AQP7: variants seen among roughly 807,000 people sequenced by gnomAD.
The protein encoded by AQP7 is aquaporin 7.
AQP7 carries 22 observed loss-of-function variants against 26.1 expected under a neutral mutation model. That is an observed-to-expected ratio of 0.84 (90% CI 0.60 to 1.20). The LOEUF is 1.20. AQP7 is among the 50% of genes most tolerant of loss of function. The pLI is 0.00. For synonymous variants in AQP7, 167 were observed against 181.7 expected (o/e 0.92, Z 0.65); for missense variants, 412 against 457.5 (o/e 0.90, Z 0.91).
intron 2 of AQP7, among the ~76,000 whole-genome samples, chr9:33,399,014 A>G (rs1200333702): frequency 5.0e-5 from 7 of 139,416 alleles, no homozygotes; most frequent in Non-Finnish European, 9.2e-5. Flanking sequence ...TCTGTCGCCC[A>G]GGCTGAAGTG....
intron 1 of AQP7, chr9:33,401,900 A>T (rs929289397): frequency 6.6e-6 from 1 of 152,396 alleles, no homozygotes. Flanking sequence ...ACAGACTCTT[A>T]TCTCCAGCCC....
intron 3 of AQP7, among the ~76,000 whole-genome samples, chr9:33,389,187 C>A (rs535537852): frequency 2.0e-5 from 3 of 152,096 alleles, no homozygotes; most frequent in African/African-American, 7.2e-5. Context: ...GCCACCATGC[C>A]CAACTATTTT....
At chr9:33,386,008 G>A in intron 6 of AQP7, 69 bp downstream of exon 6, 1 of 1,599,756 alleles carries the variant, frequency 6.3e-7, no homozygotes, top group Non-Finnish European at 8.5e-7. Flanking sequence ...CTATCCGGAG[G>A]GACTCCCTGC....
At chr9:33,393,436 C>T (rs2380997) in intron 3 of AQP7, among the ~76,000 whole-genome samples, 1 of 152,208 alleles carries the variant, frequency 6.6e-6, no homozygotes, top group Non-Finnish European at 1.5e-5. Flanking sequence ...CTAAGAACCC[C>T]GGTGTTCCGA....
At chr9:33,394,302 T>C (rs1825662814) in intron 3 of AQP7, 1 of 152,364 alleles carries the variant, frequency 6.6e-6, no homozygotes. Context: ...AAACAGCCTC[T>C]TAACTGGTTC....
rs115575789 is a variant in AQP7 at position 33,385,714 on chromosome 9, G to A, written c.678C>T (p.Asn226=). The change falls in exon 7 of 8, where the codon AAC becomes AAT. Residue 226 remains asparagine, a synonymous_variant. Transcript: ENST00000297988. ...SLGMNTGYAI[N]PSRDLPPRIF... is the part of the protein sequence containing the mutation. Reference sequence around the variant, plus strand: ...TGCGGGGGGGCAGGTCCCGGGACGGGTTGATGGCATATCCTGTGTTCATGC... The same window carrying A: ...TGCGGGGGGGCAGGTCCCGGGACGGATTGATGGCATATCCTGTGTTCATGC... The A allele has an allele frequency of 6.2e-7, 1 of 1,613,978 alleles. No homozygotes were observed. Among genetic ancestry groups the A allele is most frequent in the African/African-American group, 1.3e-5 (1 of 75,042 alleles).
chr9:33,400,993 C>T (rs1246286745), intron 2 of AQP7: 12 of 560,198 alleles, frequency 2.1e-5, no homozygotes, highest in Admixed American at 9.1e-5. Flanking sequence ...TTGAAGGCCA[C>T]CTGCATGCCT....
At chr9:33,386,027 T>A in intron 6 of AQP7, 50 bp downstream of exon 6, 1 of 1,609,608 alleles carries the variant, frequency 6.2e-7, no homozygotes, top group East Asian at 2.2e-5. Context: ...GCTGGCTCCG[T>A]CCTGAGGGGT....
chr9:33,393,476 C>T (rs1360078762), intron 3 of AQP7, among the ~76,000 whole-genome samples: 1 of 152,186 alleles, frequency 6.6e-6, no homozygotes, highest in Non-Finnish European at 1.5e-5. Flanking sequence ...TCCATGGGCC[C>T]CACCACACAC....
At position 33,386,177 on chromosome 9, in the gene AQP7, G is replaced by A. The variant is rs752508547; in HGVS notation, c.425C>T (p.Ser142Leu). The A allele has an allele frequency of 6.2e-6, 10 of 1,613,892 alleles. No individual in the cohort carries two copies. Among genetic ancestry groups the A allele is most frequent in the Admixed American group, 5.0e-5 (3 of 59,998 alleles). ...ACCGGTCACCATCAGCTGTCCACCCGAAAAGTGGAGAATGGCCGCTGCGGA... is the reference window on the plus strand; with the variant it reads ...ACCGGTCACCATCAGCTGTCCACCCAAAAAGTGGAGAATGGCCGCTGCGGA... ...SLFYTAILHFSGGQLMVTGPV... is the reference protein window; with the variant it reads ...SLFYTAILHFLGGQLMVTGPV... Residue 142 changes from serine to leucine, a missense_variant, in exon 6 of 8, where the codon TCG becomes TTG. Transcript: ENST00000297988.
intron 3 of AQP7, among the ~76,000 whole-genome samples, chr9:33,388,244 C>A (rs1045369071): frequency 4.6e-5 from 7 of 152,194 alleles, no homozygotes; most frequent in South Asian, 2.1e-4. Flanking sequence ...TCACAGCACA[C>A]CTGCTCCTCA....
rs761869327 is a variant in AQP7 at position 33,386,997 on chromosome 9, C to T, written c.240G>A (p.Met80Ile). 2 of 1,612,036 alleles carry T rather than the reference C, an allele frequency of 1.2e-6. No individual in the cohort carries two copies. The highest frequency in any genetic ancestry group is 1.7e-6 in the Non-Finnish European group (2 of 1,179,848). Reference sequence around the variant, plus strand: ...AGATGCGGCCTGCCACGTGCACTCCCATGGTGACTCCGAAGCCAAAACCCA... The same window carrying T: ...AGATGCGGCCTGCCACGTGCACTCCTATGGTGACTCCGAAGCCAAAACCCA... The part of the protein sequence containing the change: ...VNLGFGFGVT[M>I]GVHVAGRISG... Residue 80 changes from methionine (M) to isoleucine (I), a missense_variant, in exon 4 of 8, where the codon ATG (methionine) becomes ATA (isoleucine). Coordinates refer to ENST00000297988, the MANE Select transcript of AQP7 (RefSeq NM_001170.3).
At chr9:33,395,052 C>A in intron 3 of AQP7, 26 bp downstream of exon 3, 1 of 1,598,440 alleles carries the variant, frequency 6.3e-7, no homozygotes, top group Non-Finnish European at 8.6e-7. Flanking sequence ...GGAGCCCCAC[C>A]CACTTCGTGC....
rs1824746949 is a variant in AQP7 at position 33,386,062 on chromosome 9, T to TC, written c.525+14dup. The TC allele has an allele frequency of 2.5e-6, 4 of 1,612,402 alleles. No homozygotes were observed. In the East Asian group the frequency reaches 8.9e-5, roughly 36 times the overall value. On this transcript the variant is annotated intron_variant, in intron 6 of 7. Coordinates refer to ENST00000297988, the MANE Select transcript of AQP7 (RefSeq NM_001170.3). ...TGGAGGGCAGGGGGAGGGATACTCA[T>TC]CCTCGACCACTGACCTCATTCAGGA...
At chr9:33,397,493 C>G (rs1160913034) in intron 2 of AQP7, among the ~76,000 whole-genome samples, 1 of 151,630 alleles carries the variant, frequency 6.6e-6, no homozygotes, top group Non-Finnish European at 1.5e-5. Flanking sequence ...ATCCGCGCAA[C>G]TCTGCATCCC....
intron 3 of AQP7, among the ~76,000 whole-genome samples, chr9:33,387,908 T>C (rs1363032725): frequency 6.6e-6 from 1 of 152,168 alleles, no homozygotes; most frequent in Non-Finnish European, 1.5e-5. Context: ...TGTGGGTTCC[T>C]GGTTGCCTCC....
chr9:33,387,860 G>A (rs1246720692), intron 3 of AQP7, among the ~76,000 whole-genome samples: 1 of 151,986 alleles, frequency 6.6e-6, no homozygotes, highest in African/African-American at 2.4e-5. Flanking sequence ...ATCCTTCCCA[G>A]CAAACTGTCC....
At position 33,401,486 on chromosome 9, in the gene AQP7, T is replaced by C. The variant is rs529444955; in HGVS notation, c.-25-199A>G. 575 of 579,588 alleles carry C rather than the reference T, an allele frequency of 9.9e-4. 3 individuals are homozygous for C. The highest frequency in any genetic ancestry group is 1.6e-3 in the Non-Finnish European group (530 of 322,086). 35.9% of individuals were successfully genotyped at this position (579,588 alleles called of 1,614,324 possible). A position where few individuals can be genotyped will look rare whatever the true frequency, so the allele number is the denominator to read the frequency against. On this transcript the variant is annotated intron_variant, in intron 1 of 7. Coordinates refer to ENST00000297988, the MANE Select transcript of AQP7 (RefSeq NM_001170.3). ...CCCTGGAGCCCCACCCCACCCATGC[T>C]GGCCCCAGGACCCCAGCCCCAGGCC...
Position 33,385,754 on chromosome 9 carries a change from A to G in AQP7, c.638T>C (p.Ile213Thr). 2 of 1,613,826 alleles carry G rather than the reference A, an allele frequency of 1.2e-6. No individual in the cohort carries two copies. The highest frequency in any genetic ancestry group is 1.7e-6 in the Non-Finnish European group (2 of 1,180,024). Residue 213 changes from isoleucine to threonine, a missense_variant, in exon 7 of 8, where the codon ATC becomes ACC. Physicochemically the swap from Ile to Thr is moderately conservative, Grantham distance 89. Transcript: ENST00000297988. ...ALVIGILVVI[I>T]GVSLGMNTGY... ...TGTGTTCATGCCAAGGGACACCCCGATGATGACCACGAGGATGCCTATCAC... is the reference window on the plus strand; with the variant it reads ...TGTGTTCATGCCAAGGGACACCCCGGTGATGACCACGAGGATGCCTATCAC...
Sources: allele counts gnomAD v4.1 joint callset (sites outside exome capture counted in the v4.1 genomes callset), GRCh38; gene constraint gnomAD v4.1.1; transcripts MANE v1.5; gene names NCBI Gene and HGNC (gene_info 2026-07-23, HGNC 2026-07-21).